Variants in TMEFF2 observed in about 807,000 individuals in gnomAD.
The protein encoded by TMEFF2 is tomoregulin-2.
TMEFF2 carries 28 observed loss-of-function variants against 53.8 expected under a neutral mutation model. That is an observed-to-expected ratio of 0.52 (90% CI 0.39 to 0.71). TMEFF2 has a LOEUF of 0.71. TMEFF2 is among the 30% of genes least tolerant of loss of function. The pLI, the probability that TMEFF2 is intolerant of heterozygous loss-of-function variation, is 0.00. For synonymous variants in TMEFF2, 162 were observed against 166.3 expected (o/e 0.97, Z 0.20); for missense variants, 353 against 455.2 (o/e 0.78, Z 2.04).
intron 4 of TMEFF2, among the ~76,000 whole-genome samples, chr2:192,114,990 AT>A (rs945453808): frequency 2.0e-5 from 3 of 151,954 alleles, no homozygotes; most frequent in African/African-American, 7.2e-5. Flanking sequence ...TCAACTAAAT[AT>A]TTTTTTAAAG....
At chr2:192,161,111 C>T (rs529386804) in intron 4 of TMEFF2, among the ~76,000 whole-genome samples, 2 of 152,156 alleles carry the variant, frequency 1.3e-5, no homozygotes, top group Admixed American at 1.3e-4. Context: ...TCTCCCCTTG[C>T]CCCCTCCCGT....
In TMEFF2 at chr2:192,121,387, A is replaced by G. The variant is rs367670250; in HGVS notation, c.439+58281T>C. Among the ~76,000 whole-genome samples the G allele has an allele frequency of 2.0e-4, 31 of 152,250 alleles. 1 individual carries two copies. In the South Asian group the frequency reaches 3.5e-3, roughly 17 times the overall value. On this transcript the variant is annotated intron_variant, in intron 4 of 9. Coordinates refer to ENST00000272771, the MANE Select transcript of TMEFF2 (RefSeq NM_016192.4). ...GGTCACTTTGTACATAAAGAGCTAG[A>G]GGCAGGAAAAGTCCATTGTGAGCCT...
intron 7 of TMEFF2, among the ~76,000 whole-genome samples, chr2:191,984,401 T>C (rs4474830): frequency 0.99 from 150,403 of 152,198 alleles, 74,346 homozygotes; most frequent in Middle Eastern, 1. Flanking sequence ...TTTCTGTTTA[T>C]CCAGAGAGAG....
chr2:192,156,547 T>C (rs991402980), intron 4 of TMEFF2, among the ~76,000 whole-genome samples: 3 of 152,016 alleles, frequency 2.0e-5, no homozygotes, highest in African/African-American at 7.2e-5. Context: ...TTAGTTTATT[T>C]CTATTGATTT....
chr2:192,167,822 C>G (rs1223564510), intron 4 of TMEFF2, among the ~76,000 whole-genome samples: 1 of 152,132 alleles, frequency 6.6e-6, no homozygotes, highest in Non-Finnish European at 1.5e-5. Flanking sequence ...TGCCCACTCT[C>G]AGTAAGTTGA....
chr2:192,177,295 C>A (rs1198961296), intron 4 of TMEFF2: 1 of 151,128 alleles, frequency 6.6e-6, no homozygotes, highest in Admixed American at 6.6e-5. Context: ...TCAAATATAT[C>A]TTACGATTAC....
intron 4 of TMEFF2, among the ~76,000 whole-genome samples, chr2:192,103,284 G>A (rs908035886): frequency 1.3e-5 from 2 of 151,746 alleles, no homozygotes; most frequent in African/African-American, 4.8e-5. Context: ...CTTTCTCCAC[G>A]CCCCTTTCTT....
At chr2:191,968,370 A>G (rs553075198) in intron 7 of TMEFF2, among the ~76,000 whole-genome samples, 21 of 152,298 alleles carry the variant, frequency 1.4e-4, no homozygotes, top group African/African-American at 5.1e-4. Context: ...CAAAATTACT[A>G]TTTGTGTCAC....
chr2:191,964,258 TCC>T (rs61039293), intron 7 of TMEFF2, among the ~76,000 whole-genome samples: 1 of 4,494 alleles, frequency 2.2e-4, no homozygotes, highest in African/African-American at 2.5e-4. Flanking sequence ...CCTTCCTTCC[TCC>T]TTTCTTTTCT....
chr2:191,964,353 T>C (rs1200346384), intron 7 of TMEFF2, among the ~76,000 whole-genome samples: 88 of 104,780 alleles, frequency 8.4e-4, no homozygotes, highest in African/African-American at 3.6e-3. Context: ...TCTTTCTTTC[T>C]TTCTTTCTTT....
chr2:192,028,858 T>C (rs984858181), intron 5 of TMEFF2: 1 of 152,160 alleles, frequency 6.6e-6, no homozygotes, highest in Non-Finnish European at 1.5e-5. Flanking sequence ...AAATGAATGG[T>C]AAAATTATGC....
intron 4 of TMEFF2, among the ~76,000 whole-genome samples, chr2:192,095,140 C>A (rs940969689): frequency 1.3e-5 from 2 of 152,124 alleles, no homozygotes; most frequent in African/African-American, 4.8e-5. Flanking sequence ...TTATCCACAG[C>A]CAGCTTTCCT....
chr2:192,075,328 T>TATATATATATATATATATATATAC (rs1688404922), intron 4 of TMEFF2, among the ~76,000 whole-genome samples: 2 of 90,752 alleles, frequency 2.2e-5, no homozygotes, highest in South Asian at 3.3e-4. Context: ...TATATATATA[T>TATATATATATATATATATATATAC]ATATACATAC....
intron 5 of TMEFF2, among the ~76,000 whole-genome samples, chr2:192,023,270 A>G (rs892037770): frequency 6.6e-6 from 1 of 152,168 alleles, no homozygotes; most frequent in Admixed American, 6.5e-5. Flanking sequence ...ATAATCATGG[A>G]TATTTTCAAC....
At chr2:192,161,489 A>G (rs1331127713) in intron 4 of TMEFF2, among the ~76,000 whole-genome samples, 5 of 152,208 alleles carry the variant, frequency 3.3e-5, no homozygotes, top group Admixed American at 1.3e-4. Context: ...ATTGTATGAC[A>G]TAAGTGAATC....
intron 5 of TMEFF2, among the ~76,000 whole-genome samples, chr2:192,054,630 C>T (rs1035812950): frequency 6.6e-6 from 1 of 152,166 alleles, no homozygotes; most frequent in African/African-American, 2.4e-5. Flanking sequence ...TCTACCTAGA[C>T]CAGCTCTAAC....
At chr2:192,155,223 C>A (rs1690479884) in intron 4 of TMEFF2, among the ~76,000 whole-genome samples, 1 of 151,800 alleles carries the variant, frequency 6.6e-6, no homozygotes, top group South Asian at 2.1e-4. Flanking sequence ...ATGATTTTGA[C>A]CGAGAGCCTA....
Position 192,194,627 on chromosome 2 carries a change from G to T in TMEFF2, c.-103C>A. On this transcript the variant is annotated 5_prime_UTR_variant, in exon 1 of 10. The change creates a new upstream start codon in the 5' untranslated region. Transcript: ENST00000272771. The surrounding 1 kb of genome is among the most constrained non-coding windows in gnomAD (Gnocchi z 4.2). ...GAGCATCCCGCGGACGGCGGCAGCA[G>T]AGGCGGCGGCGGTGGCAGTGGCACC... 1 of 1,411,334 alleles carries T rather than the reference G, an allele frequency of 7.1e-7. No individual in the cohort carries two copies. The highest frequency in any genetic ancestry group is 9.7e-7 in the Non-Finnish European group (1 of 1,035,166). 87.4% of individuals were successfully genotyped at this position (1,411,334 alleles called of 1,614,324 possible). A position where few individuals can be genotyped will look rare whatever the true frequency, so the allele number is the denominator to read the frequency against.
intron 4 of TMEFF2, among the ~76,000 whole-genome samples, chr2:192,088,688 T>C (rs1688720036): frequency 2.0e-5 from 3 of 152,196 alleles, no homozygotes; most frequent in Admixed American, 6.5e-5. Flanking sequence ...TCATATTTCA[T>C]GTTTTCCCAC....
Sources: allele counts gnomAD v4.1 joint callset (sites outside exome capture counted in the v4.1 genomes callset), GRCh38; gene constraint gnomAD v4.1.1; non-coding constraint Gnocchi (gnomAD v3.1); transcripts MANE v1.5; gene names NCBI Gene and HGNC (gene_info 2026-07-23, HGNC 2026-07-21).